Variants in KLHL8 observed in about 807,000 individuals in gnomAD.
KLHL8 encodes the protein kelch-like protein 8.
KLHL8 carries 38 observed loss-of-function variants against 63.5 expected under a neutral mutation model. The observed-to-expected ratio is 0.60, with a 90% CI of 0.46 to 0.78. The LOEUF is 0.78. Ranked by LOEUF, KLHL8 falls within the 30% of genes least tolerant of loss-of-function variation. The probability of loss-of-function intolerance (pLI) is 0.00; values close to 1 mark genes in which losing one functional copy is unlikely to be tolerated. For synonymous variants in KLHL8, 224 were observed against 254.3 expected, an observed-to-expected ratio of 0.88 and a Z score of 1.13; for missense variants, 566 against 752.4, an observed-to-expected ratio of 0.75 and a Z score of 2.90.
chr4:87,214,828 T>C (rs1051994073), intron 1 of KLHL8, among the ~76,000 whole-genome samples: 2 of 152,154 alleles, frequency 1.3e-5, no homozygotes, highest in African/African-American at 4.8e-5. Flanking sequence ...AGATGGAGTC[T>C]TGCTTTGTCA....
At chr4:87,179,857 GT>G (rs1344046964) in intron 4 of KLHL8, among the ~76,000 whole-genome samples, 2 of 152,056 alleles carry the variant, frequency 1.3e-5, no homozygotes, top group Admixed American at 1.3e-4. Flanking sequence ...AAAAAACAGT[GT>G]AGTGTAATTC....
intron 1 of KLHL8, among the ~76,000 whole-genome samples, chr4:87,229,176 T>C (rs776600544): frequency 6.6e-6 from 1 of 152,188 alleles, no homozygotes; most frequent in Non-Finnish European, 1.5e-5. Context: ...CGGCTAAGAC[T>C]TGAATTATAG....
In KLHL8 at chr4:87,220,461, G is replaced by A. The variant is rs947829056; in HGVS notation, c.-195C>T. ...TCTTCCTGATGTCGCTAAGGTTGCA[G>A]CCACGTTACCACGCTCCCAGAGCCC... On this transcript the variant is annotated 5_prime_UTR_variant, in exon 1 of 10. Transcript: ENST00000273963. The A allele has an allele frequency of 6.6e-6, 1 of 152,390 alleles. No individual in the cohort carries two copies. Among genetic ancestry groups the A allele is most frequent in the Non-Finnish European group, 1.5e-5 (1 of 68,178 alleles). 9.4% of individuals were successfully genotyped at this position (152,390 alleles called of 1,614,324 possible). A position where few individuals can be genotyped will look rare whatever the true frequency, so the allele number is the denominator to read the frequency against.
chr4:87,202,104 T>C (rs982886075), intron 1 of KLHL8, among the ~76,000 whole-genome samples: 2 of 147,320 alleles, frequency 1.4e-5, no homozygotes, highest in African/African-American at 5.0e-5. Flanking sequence ...AGACTCCCTC[T>C]CCAAAAAAAA....
At chr4:87,186,976 T>TAAA (rs144905015) in intron 2 of KLHL8, among the ~76,000 whole-genome samples, 3 of 148,246 alleles carry the variant, frequency 2.0e-5, no homozygotes, top group African/African-American at 7.4e-5. Context: ...ATAAAAGCAG[T>TAAA]AAAAAAAAAA....
intron 6 of KLHL8, among the ~76,000 whole-genome samples, chr4:87,174,298 G>A (rs1331873826): frequency 2.0e-5 from 3 of 149,056 alleles, no homozygotes; most frequent in Non-Finnish European, 3.0e-5. Flanking sequence ...TTTTTTTTGA[G>A]ACGGAATTTT....
chr4:87,199,438 T>C (rs925228581), intron 1 of KLHL8, among the ~76,000 whole-genome samples: 6 of 152,070 alleles, frequency 3.9e-5, no homozygotes, highest in Non-Finnish European at 7.4e-5. Context: ...ATTCACAACA[T>C]TGAATTTATC....
intron 8 of KLHL8, among the ~76,000 whole-genome samples, chr4:87,169,195 C>T (rs1488860033): frequency 1.3e-5 from 2 of 152,110 alleles, no homozygotes; most frequent in Admixed American, 1.3e-4. Context: ...ATCCCAGTTA[C>T]TCAGAAGGCT....
At chr4:87,202,448 G>C (rs1302300552) in intron 1 of KLHL8, among the ~76,000 whole-genome samples, 1 of 152,002 alleles carries the variant, frequency 6.6e-6, no homozygotes, top group East Asian at 1.9e-4. Flanking sequence ...ATAAACATCT[G>C]GCAAAAAAGG....
At chr4:87,171,280 T>C (rs1730624162) in intron 6 of KLHL8, among the ~76,000 whole-genome samples, 1 of 152,226 alleles carries the variant, frequency 6.6e-6, no homozygotes, top group Non-Finnish European at 1.5e-5. Context: ...TATAAACCTC[T>C]ACTATCTTGT....
At chr4:87,164,567 A>T (rs547068052) in intron 8 of KLHL8, among the ~76,000 whole-genome samples, 1 of 152,354 alleles carries the variant, frequency 6.6e-6, no homozygotes, top group African/African-American at 2.4e-5. Context: ...AATCGCCATC[A>T]TAATTACAGA....
intron 1 of KLHL8, among the ~76,000 whole-genome samples, chr4:87,237,459 C>T (rs534347039): frequency 3.3e-4 from 50 of 152,052 alleles, no homozygotes; most frequent in African/African-American, 1.2e-3. Context: ...TAATAAATAA[C>T]AGAAAATTAG....
chr4:87,234,169 G>C (rs1052261989), intron 1 of KLHL8, among the ~76,000 whole-genome samples: 2 of 152,218 alleles, frequency 1.3e-5, no homozygotes, highest in Admixed American at 1.3e-4. Flanking sequence ...GCTGGGTGTG[G>C]TGGCTCACGC....
intron 1 of KLHL8, among the ~76,000 whole-genome samples, chr4:87,200,485 A>C (rs1325699653): frequency 6.6e-6 from 1 of 152,226 alleles, no homozygotes; most frequent in African/African-American, 2.4e-5. Flanking sequence ...AAACATTTTC[A>C]ATCCATGTTT....
rs1307622887 is a variant in KLHL8 at position 87,185,290 on chromosome 4, A to T, written c.726T>A (p.Pro242=). The change falls in exon 3 of 10, where the codon CCT becomes CCA. Residue 242 remains proline (P), a synonymous_variant. Coordinates refer to ENST00000273963, the MANE Select transcript of KLHL8 (RefSeq NM_020803.5). ...NAAIKWLLAN[P]QHHSKWLDET... ...CATCCAACCATTTGGAATGATGCTG[A>T]GGATTGGCAAGAAGCCACTTGATGG... 6 of 1,614,054 alleles carry T rather than the reference A, an allele frequency of 3.7e-6. No homozygotes were observed. The highest frequency in any genetic ancestry group is 5.1e-6 in the Non-Finnish European group (6 of 1,179,936).
At chr4:87,175,182 A>T (rs1042811721) in intron 6 of KLHL8, among the ~76,000 whole-genome samples, 2 of 152,226 alleles carry the variant, frequency 1.3e-5, no homozygotes, top group Non-Finnish European at 2.9e-5. Flanking sequence ...ACCCAAAATA[A>T]ATTTTTAAAA....
At position 87,185,577 on chromosome 4, in the gene KLHL8, G is replaced by A; in HGVS notation, c.439C>T (p.Leu147=). The A allele has an allele frequency of 1.2e-6, 2 of 1,614,226 alleles. No homozygotes were observed. Among genetic ancestry groups the A allele is most frequent in the Non-Finnish European group, 1.7e-6 (2 of 1,180,030 alleles). ...GCTCTAGCCACCAGTTCAACCTGCA[G>A]AATACAGGCTGCATATAAGAGAGGC... is the stretch of plus-strand genomic sequence containing the variant. ...VQPLLYAACI[L]QVELVARACC... is the part of the protein sequence containing the mutation. The change falls in exon 3 of 10, where the codon CTG becomes TTG. Residue 147 remains leucine, a synonymous_variant. Coordinates refer to ENST00000273963, the MANE Select transcript of KLHL8 (RefSeq NM_020803.5).
intron 1 of KLHL8, among the ~76,000 whole-genome samples, chr4:87,205,695 C>A (rs1325191704): frequency 1.3e-5 from 2 of 152,122 alleles, no homozygotes; most frequent in African/African-American, 2.4e-5. Flanking sequence ...AACTCCTGGA[C>A]TCAAGCGATC....
intron 8 of KLHL8, among the ~76,000 whole-genome samples, chr4:87,169,352 T>C (rs1175690855): frequency 6.6e-6 from 1 of 152,174 alleles, no homozygotes; most frequent in Non-Finnish European, 1.5e-5. Context: ...GTATTCAACA[T>C]AATTTCCCTT....
Sources: allele counts gnomAD v4.1 joint callset (sites outside exome capture counted in the v4.1 genomes callset), GRCh38; gene constraint gnomAD v4.1.1; transcripts MANE v1.5; gene names NCBI Gene and HGNC (gene_info 2026-07-23, HGNC 2026-07-21).